Variants in OPA1 observed in about 807,000 individuals in gnomAD.
OPA1 encodes the protein dynamin-like GTPase OPA1, mitochondrial.
Under a neutral mutation model 152.9 loss-of-function variants are expected in OPA1, and 59 were observed. The ratio of observed to expected loss-of-function variants is 0.39; its 90% CI spans 0.31 to 0.48. The LOEUF (loss-of-function observed/expected upper bound fraction) is 0.48, where lower values mean the gene tolerates loss of function less well. OPA1 is among the 20% of genes least tolerant of loss of function. OPA1 has a pLI of 0.96. For missense variants in OPA1, 1,008 were observed against 1,216.8 expected (o/e 0.83, Z 2.55); for synonymous variants, 400 against 389.9 (o/e 1.03, Z -0.31).
chr3:193,614,603 G>A, intron 1 of OPA1, 120 bp from the exon 2 acceptor site: 1 of 781,380 alleles, frequency 1.3e-6, no homozygotes, highest in Non-Finnish European at 2.3e-6. Context: ...GAACTATTGT[G>A]TGACATTGTG....
chr3:193,675,331 A>G (rs1166140275), intron 29 of OPA1, among the ~76,000 whole-genome samples: 1 of 113,564 alleles, frequency 8.8e-6, no homozygotes, highest in African/African-American at 3.2e-5. Flanking sequence ...TTTTAAGAAA[A>G]AAAAAAAAAA....
At chr3:193,689,872 G>A (rs1577406055) in intron 29 of OPA1, among the ~76,000 whole-genome samples, 2 of 152,262 alleles carry the variant, frequency 1.3e-5, no homozygotes, top group African/African-American at 4.8e-5. Flanking sequence ...TGTGTTGTGT[G>A]ATTTAAGTTA....
intron 25 of OPA1, among the ~76,000 whole-genome samples, chr3:193,662,505 A>G (rs979042006): frequency 1.3e-5 from 2 of 152,170 alleles, no homozygotes; most frequent in Non-Finnish European, 2.9e-5. Flanking sequence ...CAAGAAAGAA[A>G]GAAAATACAT....
At position 193,615,763 on chromosome 3, in the gene OPA1, C is replaced by G; in HGVS notation, c.441C>G (p.Ile147Met). ...PDIVWEIDEYIDFEKIRKALP... is the reference protein window; with the variant it reads ...PDIVWEIDEYMDFEKIRKALP... ...TTGTGTGGGAAATTGATGAGTATATCGATTTTGGTTTGTATCATGAACATT... is the reference window on the plus strand; with the variant it reads ...TTGTGTGGGAAATTGATGAGTATATGGATTTTGGTTTGTATCATGAACATT... Residue 147 changes from isoleucine (I) to methionine (M), a missense_variant, in exon 3 of 31, where the codon ATC (isoleucine) becomes ATG (methionine). Ile to Met is a conservative substitution (Grantham distance 10). Transcript: ENST00000361510. 1 of 1,599,354 alleles carries G rather than the reference C, an allele frequency of 6.3e-7. No homozygotes were observed. Among genetic ancestry groups the G allele is most frequent in the Non-Finnish European group, 8.6e-7 (1 of 1,166,798 alleles).
Position 193,614,727 on chromosome 3 carries a change from G to A in OPA1, c.37G>A (p.Val13Ile), listed in dbSNP as rs373753869. ...CCATATTCATTTTTCTTTCAGTGAG[G>A]TCTGCCAGTCTTTAGTGAAACACAG... is the stretch of plus-strand genomic sequence containing the variant. ...RLRRAAVACE[V>I]CQSLVKHSSG... Residue 13 changes from valine to isoleucine, a missense_variant, in exon 2 of 31, where the codon GTC (valine) becomes ATC (isoleucine). Physicochemically the swap from Val to Ile is conservative, Grantham distance 29. This residue lies in a region of OPA1 where 408 missense variants were observed against 395.1 expected (regional missense o/e 1.03). Transcript: ENST00000361510. The A allele has an allele frequency of 6.2e-6, 10 of 1,611,738 alleles. No individual in the cohort carries two copies. Among genetic ancestry groups the A allele is most frequent in the Non-Finnish European group, 8.5e-6 (10 of 1,178,052 alleles).
chr3:193,597,361 G>C (rs564684096), intron 1 of OPA1, among the ~76,000 whole-genome samples: 1 of 152,240 alleles, frequency 6.6e-6, no homozygotes, highest in South Asian at 2.1e-4. Flanking sequence ...GAAGCCTATG[G>C]TGCCCTCCGT....
intron 15 of OPA1, 78 bp from the exon 16 acceptor site, chr3:193,643,897 G>C: frequency 7.2e-7 from 1 of 1,397,508 alleles, no homozygotes; most frequent in East Asian, 2.3e-5. Context: ...GTAGACACAG[G>C]GGTATAATTT....
At chr3:193,693,554 C>G (rs1721952480) in intron 30 of OPA1, among the ~76,000 whole-genome samples, 1 of 152,100 alleles carries the variant, frequency 6.6e-6, no homozygotes, top group Non-Finnish European at 1.5e-5. Flanking sequence ...TCAGGAGAAT[C>G]ACTTGAACCT....
chr3:193,661,061 G>A (rs2109212184), intron 25 of OPA1, among the ~76,000 whole-genome samples: 1 of 152,302 alleles, frequency 6.6e-6, no homozygotes, highest in Non-Finnish European at 1.5e-5. Flanking sequence ...AATGTGCTTT[G>A]GCCAAACACT....
At position 193,642,764 on chromosome 3, in the gene OPA1, G is replaced by T; in HGVS notation, c.1150-1G>T. The T allele has an allele frequency of 6.2e-7, 1 of 1,605,964 alleles. No individual in the cohort carries two copies. The highest frequency in any genetic ancestry group is 8.5e-7 in the Non-Finnish European group (1 of 1,172,842). ...ACCTCTCAGTTTTCTGTTACTATCA[G>T]GTGACTCTGAGTGAAGGTCCTCACC... On this transcript the variant is annotated splice_acceptor_variant, in intron 11 of 30. Coordinates refer to ENST00000361510, the MANE Select transcript of OPA1 (RefSeq NM_130837.3). LOFTEE classifies it high-confidence loss of function.
chr3:193,639,797 C>T (rs1733488763), intron 11 of OPA1, among the ~76,000 whole-genome samples: 1 of 152,134 alleles, frequency 6.6e-6, no homozygotes, highest in Non-Finnish European at 1.5e-5. Context: ...CTGGAGTATC[C>T]AGGTGATACT....
chr3:193,621,086 A>G (rs969458225), intron 6 of OPA1, among the ~76,000 whole-genome samples: 15 of 152,274 alleles, frequency 9.9e-5, no homozygotes, highest in South Asian at 2.1e-4. Context: ...GAAGCAGTCA[A>G]GTATTAGTTT....
chr3:193,619,062 T>C, intron 6 of OPA1, 126 bp downstream of exon 6: 3 of 759,066 alleles, frequency 4.0e-6, no homozygotes, highest in Non-Finnish European at 6.9e-6. Flanking sequence ...AGTAGAGATA[T>C]CGTTACTAAT....
At chr3:193,598,466 A>G (rs1362726241) in intron 1 of OPA1, among the ~76,000 whole-genome samples, 2 of 152,042 alleles carry the variant, frequency 1.3e-5, no homozygotes, top group Non-Finnish European at 2.9e-5. Context: ...CCCTGTTGAG[A>G]TGTGCTTCCA....
At chr3:193,652,331 G>A (rs1201725081) in intron 21 of OPA1, among the ~76,000 whole-genome samples, 1 of 151,822 alleles carries the variant, frequency 6.6e-6, no homozygotes, top group Non-Finnish European at 1.5e-5. Flanking sequence ...GCTGTGAGCC[G>A]AGACTGTGCC....
At chr3:193,658,456 G>A (rs566350463) in intron 23 of OPA1, among the ~76,000 whole-genome samples, 1 of 152,046 alleles carries the variant, frequency 6.6e-6, no homozygotes, top group African/African-American at 2.4e-5. Flanking sequence ...TTAACACTGG[G>A]AATAATGGTT....
chr3:193,661,103 A>G (rs931141116), intron 25 of OPA1, among the ~76,000 whole-genome samples: 1 of 152,198 alleles, frequency 6.6e-6, no homozygotes, highest in East Asian at 1.9e-4. Flanking sequence ...CTCGTAAGTT[A>G]TTTTTGTCAG....
chr3:193,674,623 G>C (rs1403905166), intron 29 of OPA1, among the ~76,000 whole-genome samples: 1 of 152,136 alleles, frequency 6.6e-6, no homozygotes, highest in Non-Finnish European at 1.5e-5. Flanking sequence ...AAAGTAGTCA[G>C]AACATAGCTA....
At chr3:193,617,373 A>G (rs538421009) in intron 4 of OPA1, 88 bp downstream of exon 4, 24 of 782,618 alleles carry the variant, frequency 3.1e-5, no homozygotes, top group Non-Finnish European at 4.9e-5. Flanking sequence ...CCATTTTTTT[A>G]AAATTAAAAT....
Sources: allele counts gnomAD v4.1 joint callset (sites outside exome capture counted in the v4.1 genomes callset), GRCh38; gene constraint gnomAD v4.1.1; regional missense constraint gnomAD v4.1.1; transcripts MANE v1.5; gene names NCBI Gene and HGNC (gene_info 2026-07-23, HGNC 2026-07-21).